The following FANCD2OS variants were observed in gnomAD, a reference collection of about 807,000 sequenced individuals.
The protein encoded by FANCD2OS is FANCD2 opposite strand protein.
A neutral mutation model predicts 13.2 loss-of-function variants in FANCD2OS; 11 were observed. The observed-to-expected ratio is 0.83, with a 90% confidence interval of 0.52 to 1.38. FANCD2OS has a LOEUF of 1.38. Ranked by LOEUF, FANCD2OS falls within the 40% of genes most tolerant of loss-of-function variation. The probability of loss-of-function intolerance (pLI) is 0.00; values close to 1 mark genes in which losing one functional copy is unlikely to be tolerated. For synonymous variants in FANCD2OS, 69 were observed against 84.5 expected, an observed-to-expected ratio of 0.82 and a Z score of 1.01; for missense variants, 217 against 213.9, an observed-to-expected ratio of 1.01 and a Z score of -0.09.
rs781691653 is a variant in FANCD2OS at position 10,104,239 on chromosome 3, C to G, written c.*2G>C. 11 of 1,599,944 alleles carry G rather than the reference C, an allele frequency of 6.9e-6. No homozygotes were observed. The highest frequency in any genetic ancestry group is 1.3e-5 in the African/African-American group (1 of 74,628). ...AGTAAATGGGGATCAAATGAGGACC[C>G]TTTACTTGGAGTGCTGCAAGGCAAA... On this transcript the variant is annotated 3_prime_UTR_variant, in exon 2 of 2. Transcript: ENST00000450660.
intron 2 of FANCD2OS, chr3:10,096,208 A>AC: frequency 1.0e-6 from 1 of 987,238 alleles, no homozygotes; most frequent in Non-Finnish European, 1.6e-6. Flanking sequence ...GATGGAACAT[A>AC]CCGTTGGCCC....
chr3:10,083,936 A>C, intron 2 of FANCD2OS, among the ~76,000 whole-genome samples: 1 of 150,988 alleles, frequency 6.6e-6, no homozygotes, highest in South Asian at 2.1e-4. Context: ...TGGTACAGGA[A>C]TATTTTGAGC....
intron 2 of FANCD2OS, among the ~76,000 whole-genome samples, chr3:10,094,569 A>G (rs1178919463): frequency 6.6e-6 from 1 of 151,848 alleles, no homozygotes; most frequent in Non-Finnish European, 1.5e-5. Context: ...CCACCTTTCT[A>G]TTTCTTCTCC....
downstream of FANCD2OS, among the ~76,000 whole-genome samples, chr3:10,100,412 C>T (rs551986199): frequency 2.0e-5 from 3 of 152,274 alleles, no homozygotes; most frequent in East Asian, 1.9e-4. Flanking sequence ...CTCCCTCTGT[C>T]GCCCAGGCTA....
intron 2 of FANCD2OS, among the ~76,000 whole-genome samples, chr3:10,090,565 TCTC>T (rs1184074957): frequency 6.7e-6 from 1 of 150,056 alleles, no homozygotes; most frequent in Admixed American, 6.7e-5. Flanking sequence ...TTCAAGCAAT[TCTC>T]CTGCCTCAGA....
Position 10,090,744 on chromosome 3 carries a change from C to T in FANCD2OS, c.*44-9213G>A, listed in dbSNP as rs150540355. ...AAGTGCTGAGATTACAGACGTGCGC[C>T]ACTGCGCCCGGTGGTAGTTGCTGAT... is the stretch of plus-strand genomic sequence containing the variant. On this transcript the variant is annotated intron_variant, in intron 2 of 2. Transcript: ENST00000524279. 2.9e-3 allele frequency among the ~76,000 whole-genome samples: 436 copies of T among 152,344 alleles called. 3 individuals carry two copies. The highest frequency in any genetic ancestry group is 0.01 in the African/African-American group (420 of 41,588).
downstream of FANCD2OS, among the ~76,000 whole-genome samples, chr3:10,102,524 A>G (rs1421204220): frequency 6.6e-6 from 1 of 152,104 alleles, no homozygotes; most frequent in African/African-American, 2.4e-5. Flanking sequence ...TTGGTGTAAT[A>G]GTATAAGACC....
chr3:10,087,274 CTAG>C (rs1694266929), intron 2 of FANCD2OS: 1 of 1,532,682 alleles, frequency 6.5e-7, no homozygotes, highest in African/African-American at 1.5e-5. Flanking sequence ...GGTGATGGGC[CTAG>C]ATCCTTTTTT....
chr3:10,088,840 G>A, intron 2 of FANCD2OS: 1 of 1,614,086 alleles, frequency 6.2e-7, no homozygotes, highest in Non-Finnish European at 8.5e-7. Flanking sequence ...TCTACCTGGA[G>A]CACACAGAGA....
At chr3:10,095,573 G>A (rs1694906081) in intron 2 of FANCD2OS, among the ~76,000 whole-genome samples, 1 of 152,218 alleles carries the variant, frequency 6.6e-6, no homozygotes, top group Non-Finnish European at 1.5e-5. Flanking sequence ...CTAGGTAACA[G>A]GACTGTGATG....
chr3:10,093,445 C>A (rs1694770014), intron 2 of FANCD2OS: 2 of 865,382 alleles, frequency 2.3e-6, no homozygotes, highest in Non-Finnish European at 4.0e-6. Context: ...AGAATCTATG[C>A]CAGTTTAGGG....
At chr3:10,107,889 C>T (rs1695545591) in intron 1 of FANCD2OS, 126 bp downstream of exon 1, 1 of 152,232 alleles carries the variant, frequency 6.6e-6, no homozygotes, top group African/African-American at 2.4e-5. Flanking sequence ...GGGCTTGAAC[C>T]TACAAAGTCT....
chr3:10,105,423 T>G (rs1391202796), intron 1 of FANCD2OS, among the ~76,000 whole-genome samples: 5 of 151,952 alleles, frequency 3.3e-5, no homozygotes, highest in African/African-American at 1.2e-4. Flanking sequence ...CCTTATTACT[T>G]GAGATTAGAA....
intron 2 of FANCD2OS, chr3:10,085,719 A>G: frequency 1.2e-6 from 1 of 851,538 alleles, no homozygotes; most frequent in East Asian, 2.5e-5. Context: ...CCGTTAAACT[A>G]TTGATGGTAC....
At chr3:10,089,250 A>C (rs1370987868) in intron 2 of FANCD2OS, among the ~76,000 whole-genome samples, 1 of 151,534 alleles carries the variant, frequency 6.6e-6, no homozygotes, top group Non-Finnish European at 1.5e-5. Context: ...GCGCCACTGC[A>C]CTCCAGCCTG....
chr3:10,098,371 G>A (rs900805412), downstream of FANCD2OS, among the ~76,000 whole-genome samples: 1 of 152,128 alleles, frequency 6.6e-6, no homozygotes, highest in African/African-American at 2.4e-5. Context: ...TTCGTGCTTG[G>A]TGTGATAGTG....
chr3:10,101,193 TGAA>T, downstream of FANCD2OS: 1 of 1,612,410 alleles, frequency 6.2e-7, no homozygotes, highest in Non-Finnish European at 8.5e-7. Context: ...CTTAGGATGG[TGAA>T]GAAGACGAAG....
At chr3:10,094,150 C>G (rs921629967) in intron 2 of FANCD2OS, 2 of 699,492 alleles carry the variant, frequency 2.9e-6, no homozygotes. Context: ...CCAAATAAAC[C>G]TTTTGGACCC....
chr3:10,105,770 AATTAT>A (rs1301835033), intron 1 of FANCD2OS, among the ~76,000 whole-genome samples: 2 of 30,360 alleles, frequency 6.6e-5, no homozygotes, highest in African/African-American at 8.8e-4. Context: ...AAAAAAAAAA[AATTAT>A]ATATATATAT....
Sources: allele counts gnomAD v4.1 joint callset (sites outside exome capture counted in the v4.1 genomes callset), GRCh38; gene constraint gnomAD v4.1.1; transcripts MANE v1.5; gene names NCBI Gene and HGNC (gene_info 2026-07-23, HGNC 2026-07-21).